Variants in KAT6B observed in about 807,000 individuals in gnomAD.
KAT6B encodes lysine acetyltransferase 6B.
Under a neutral mutation model 187.5 loss-of-function variants are expected in KAT6B, and 10 were observed. The ratio of observed to expected loss-of-function variants is 0.05; its 90% confidence interval spans 0.03 to 0.09. KAT6B has a LOEUF of 0.09. Among genes scored for constraint, KAT6B ranks in the 10% least tolerant of loss-of-function variants. The pLI is 1.00. For missense variants in KAT6B, 1,952 were observed against 2,558.9 expected, an observed-to-expected ratio of 0.76 and a Z score of 5.12; for synonymous variants, 861 against 926.8, an observed-to-expected ratio of 0.93 and a Z score of 1.29.
At chr10:74,839,047 G>A (rs1564897664) in intron 2 of KAT6B, among the ~76,000 whole-genome samples, 2 of 151,780 alleles carry the variant, frequency 1.3e-5, no homozygotes, top group Admixed American at 6.6e-5. Context: ...CAGCTACTTG[G>A]GAGGCTGAGG....
chr10:74,876,591 G>A (rs944489261), intron 3 of KAT6B, among the ~76,000 whole-genome samples: 4 of 152,088 alleles, frequency 2.6e-5, no homozygotes, highest in African/African-American at 7.2e-5. Flanking sequence ...GGTTTTGTAT[G>A]TTAATGTGGG....
At chr10:74,979,584 G>T (rs1842379376) in intron 10 of KAT6B, among the ~76,000 whole-genome samples, 2 of 150,846 alleles carry the variant, frequency 1.3e-5, no homozygotes, top group African/African-American at 4.9e-5. Context: ...TCTAGATTGT[G>T]CTTTCTTTCC....
chr10:75,029,946 A>C lies in KAT6B; in HGVS notation c.5122A>C (p.Asn1708His). The C allele has an allele frequency of 1.2e-6, 2 of 1,614,186 alleles. No homozygotes were observed. The highest frequency in any genetic ancestry group is 1.7e-6 in the Non-Finnish European group (2 of 1,180,028). ...TTCACAGAACAGCTGCTCCTATAGCAACCTCACCTCCAGCAGTCTGACACA... is the reference window on the plus strand; with the variant it reads ...TTCACAGAACAGCTGCTCCTATAGCCACCTCACCTCCAGCAGTCTGACACA... ...GSSQNSCSYS[N>H]LTSSSLTQSS... Residue 1708 changes from asparagine (N) to histidine (H), a missense_variant, in exon 18 of 18, where the codon AAC becomes CAC. By Grantham distance (68) the Asn-to-His change is moderately conservative (BLOSUM62 1). Transcript: ENST00000287239. The surrounding 1 kb of genome is among the most constrained non-coding windows in gnomAD (Gnocchi z 6.2).
chr10:74,839,371 C>T (rs1019640013), intron 2 of KAT6B, among the ~76,000 whole-genome samples: 1 of 151,522 alleles, frequency 6.6e-6, no homozygotes, highest in African/African-American at 2.4e-5. Flanking sequence ...GCTGGGATTA[C>T]AGGCGCATGC....
At chr10:74,850,761 C>T (rs190369570) in intron 3 of KAT6B, among the ~76,000 whole-genome samples, 153 of 152,328 alleles carry the variant, frequency 1.0e-3, no homozygotes, top group African/African-American at 2.5e-3. Context: ...ATTATCACTG[C>T]GCACTTTGTA....
chr10:74,906,942 T>C (rs1846805382), intron 3 of KAT6B, among the ~76,000 whole-genome samples: 1 of 152,222 alleles, frequency 6.6e-6, no homozygotes, highest in East Asian at 1.9e-4. Flanking sequence ...CAGTGACTGC[T>C]TCCTTTCTGG....
In KAT6B at chr10:75,030,595, C is replaced by A. The variant is rs1846240911; in HGVS notation, c.5771C>A (p.Ser1924Tyr). ...QTQIASKGHI[S>Y]MRTKSASLSP... Reference sequence around the variant, plus strand: ...CAGATTGCCAGCAAGGGCCACATCTCCATGAGAACCAAGTCAGCGTCTCTG... The same window carrying A: ...CAGATTGCCAGCAAGGGCCACATCTACATGAGAACCAAGTCAGCGTCTCTG... Residue 1924 changes from serine (S) to tyrosine (Y), a missense_variant, in exon 18 of 18, where the codon TCC (serine) becomes TAC (tyrosine). Around this residue, in one of 9 missense-constraint regions of KAT6B, gnomAD observed 358 missense variants for 436.3 expected, o/e 0.82. Coordinates refer to ENST00000287239, the MANE Select transcript of KAT6B (RefSeq NM_012330.4). This position sits in a 1 kb window ranked among gnomAD's most constrained non-coding sequence, Gnocchi z 4.8. 6.2e-7 allele frequency: 1 copy of A among 1,611,766 alleles called. No individual in the cohort carries two copies. The highest frequency in any genetic ancestry group is 1.3e-5 in the African/African-American group (1 of 74,872).
At chr10:74,919,823 C>T (rs1414255305) in intron 3 of KAT6B, among the ~76,000 whole-genome samples, 1 of 152,180 alleles carries the variant, frequency 6.6e-6, no homozygotes, top group Non-Finnish European at 1.5e-5. Flanking sequence ...GAGCTGTACT[C>T]AGTTTACTGA....
At position 75,032,588 on chromosome 10, in the gene KAT6B, A is replaced by G. The variant is rs1160677928; in HGVS notation, c.*1542A>G. The G allele has an allele frequency of 5.7e-6, 1 of 175,754 alleles. No homozygotes were observed. 10.9% of individuals were successfully genotyped at this position (175,754 alleles called of 1,614,324 possible). A position where few individuals can be genotyped will look rare whatever the true frequency, so the allele number is the denominator to read the frequency against. On this transcript the variant is annotated 3_prime_UTR_variant, in exon 18 of 18. Coordinates refer to ENST00000287239, the MANE Select transcript of KAT6B (RefSeq NM_012330.4). ...GCGAGTGCATACCTTCTGTATGCCA[A>G]TCATTGTCTTTAAAATAAAGTGAAA...
chr10:74,954,719 T>C (rs1404443984), intron 3 of KAT6B, among the ~76,000 whole-genome samples: 1 of 152,232 alleles, frequency 6.6e-6, no homozygotes, highest in African/African-American at 2.4e-5. Flanking sequence ...ATGATCAAGA[T>C]ATGGTTCACA....
intron 3 of KAT6B, among the ~76,000 whole-genome samples, chr10:74,932,127 A>G (rs1303450298): frequency 6.6e-6 from 1 of 152,220 alleles, no homozygotes; most frequent in African/African-American, 2.4e-5. Context: ...ATGGATAGAG[A>G]GTCTGTGCTC....
chr10:74,925,233 G>C (rs1353803242), intron 3 of KAT6B, among the ~76,000 whole-genome samples: 1 of 152,028 alleles, frequency 6.6e-6, no homozygotes, highest in African/African-American at 2.4e-5. Context: ...GTAGAGACAG[G>C]GTTTTGCCAT....
intron 4 of KAT6B, among the ~76,000 whole-genome samples, chr10:74,960,807 G>T (rs1003681071): frequency 1.3e-5 from 2 of 152,220 alleles, no homozygotes; most frequent in African/African-American, 4.8e-5. Flanking sequence ...CACAAGGTCT[G>T]CAGAACTATG....
At chr10:74,900,529 C>T (rs1025515372) in intron 3 of KAT6B, among the ~76,000 whole-genome samples, 9 of 152,230 alleles carry the variant, frequency 5.9e-5, no homozygotes, top group Non-Finnish European at 5.9e-5. Context: ...CTTTTCTTTT[C>T]CAGCGCACGT....
At chr10:74,894,163 AC>A (rs1564547521) in intron 3 of KAT6B, among the ~76,000 whole-genome samples, 4 of 151,458 alleles carry the variant, frequency 2.6e-5, no homozygotes, top group Admixed American at 2.6e-4. Context: ...GCTCGCTGCA[AC>A]TTCGCTTGCC....
At chr10:74,864,697 C>A (rs537017833) in intron 3 of KAT6B, among the ~76,000 whole-genome samples, 90 of 152,282 alleles carry the variant, frequency 5.9e-4, no homozygotes, top group Non-Finnish European at 1.1e-3. Flanking sequence ...ATGGGCACCA[C>A]CCCAACCCTC....
At chr10:74,824,986 G>C (rs1224392764), upstream of KAT6B, among the ~76,000 whole-genome samples, 2 of 152,060 alleles carry the variant, frequency 1.3e-5, no homozygotes, top group Non-Finnish European at 2.9e-5. Context: ...AGAGCATCCT[G>C]GGGGGCAGCT....
chr10:74,942,735 A>C (rs1478746385), intron 3 of KAT6B, among the ~76,000 whole-genome samples: 1 of 137,484 alleles, frequency 7.3e-6, no homozygotes, highest in Non-Finnish European at 1.5e-5. Flanking sequence ...ATTGCACTCC[A>C]GCCTAGGCAA....
chr10:74,873,023 G>A (rs546794010), intron 3 of KAT6B, among the ~76,000 whole-genome samples: 117 of 152,204 alleles, frequency 7.7e-4, no homozygotes, highest in Non-Finnish European at 1.4e-3. Flanking sequence ...TTCTTAAGCG[G>A]GGTGAATGAT....
Sources: allele counts gnomAD v4.1 joint callset (sites outside exome capture counted in the v4.1 genomes callset), GRCh38; gene constraint gnomAD v4.1.1; regional missense constraint gnomAD v4.1.1; non-coding constraint Gnocchi (gnomAD v3.1); transcripts MANE v1.5; gene names NCBI Gene and HGNC (gene_info 2026-07-23, HGNC 2026-07-21).